RMP64: variants seen among roughly 807,000 people sequenced by gnomAD.
RMP64 encodes the protein nucleolus and neural progenitor protein.
the RMP64 span, chr3:113,006,109 A>G: frequency 1.3e-6 from 1 of 774,766 alleles, no homozygotes; most frequent in Non-Finnish European, 2.1e-6. Context: ...CTTATCTACA[A>G]GTCCTATGCC....
At chr3:113,014,157 C>A in the RMP64 span, 1 of 621,640 alleles carries the variant, frequency 1.6e-6, no homozygotes, top group South Asian at 2.1e-5. Flanking sequence ...TCACAGAATA[C>A]CTTATTTTTT....
the RMP64 span, chr3:113,014,978 C>T: frequency 6.6e-6 from 1 of 152,050 alleles, no homozygotes; most frequent in Non-Finnish European, 1.5e-5. Context: ...AGGAGCTGAC[C>T]CTAAAGAATT....
At chr3:113,012,142 G>T in the RMP64 span, among the ~76,000 whole-genome samples, 25 of 152,184 alleles carry the variant, frequency 1.6e-4, no homozygotes, top group African/African-American at 6.0e-4. Context: ...TGAAAGAGAT[G>T]TCTCTTTAGT....
chr3:113,013,212 TA>T, the RMP64 span: 1 of 1,578,152 alleles, frequency 6.3e-7, no homozygotes, highest in Non-Finnish European at 8.7e-7. Flanking sequence ...AAAATACTGT[TA>T]AAAATATCCA....
At chr3:113,008,298 G>C in the RMP64 span, 9 of 1,614,160 alleles carry the variant, frequency 5.6e-6, no homozygotes, top group Non-Finnish European at 7.6e-6. Flanking sequence ...TCTTCAGAAA[G>C]TTGTGTGAAG....
chr3:113,005,746 A>T, the RMP64 span: 1 of 1,613,994 alleles, frequency 6.2e-7, no homozygotes, highest in Non-Finnish European at 8.5e-7. Context: ...TAGGGTAGAG[A>T]TCAGTTCTAT....
At chr3:113,015,309 T>C in the RMP64 span, among the ~76,000 whole-genome samples, 2 of 152,182 alleles carry the variant, frequency 1.3e-5, no homozygotes, top group Non-Finnish European at 2.9e-5. Flanking sequence ...AGGGACAAAA[T>C]ACATTGCCCT....
chr3:113,010,913 TCA>T, the RMP64 span: 1 of 897,188 alleles, frequency 1.1e-6, no homozygotes, highest in Admixed American at 2.9e-5. Flanking sequence ...ACCTCTCTAA[TCA>T]ATATGAGTCA....
At chr3:113,007,667 TATAGATAGA>T in the RMP64 span, among the ~76,000 whole-genome samples, 7 of 147,656 alleles carry the variant, frequency 4.7e-5, no homozygotes, top group Non-Finnish European at 8.8e-5. Flanking sequence ...AGAAAAGAAA[TATAGATAGA>T]GTCCAGCTGC....
the RMP64 span, chr3:113,005,604 TTTTA>T: frequency 2.5e-6 from 4 of 1,613,916 alleles, no homozygotes; most frequent in East Asian, 2.2e-5. Context: ...GATGTACTGT[TTTTA>T]TTTATTTGCA....
the RMP64 span, among the ~76,000 whole-genome samples, chr3:113,007,719 C>T: frequency 1.3e-5 from 2 of 152,206 alleles, no homozygotes; most frequent in Non-Finnish European, 2.9e-5. Context: ...CAGTACAACA[C>T]CCCAGCAGTC....
the RMP64 span, chr3:113,010,645 G>A: frequency 3.1e-6 from 5 of 1,611,096 alleles, no homozygotes; most frequent in African/African-American, 2.7e-5. Context: ...AGACAAACCT[G>A]AGTAGCTTTG....
the RMP64 span, chr3:113,011,511 C>T: frequency 9.9e-7 from 1 of 1,007,918 alleles, no homozygotes; most frequent in African/African-American, 1.6e-5. Context: ...TATCAAGGTC[C>T]TCCAGTACAG....
the RMP64 span, among the ~76,000 whole-genome samples, chr3:113,010,880 T>A: frequency 3.9e-5 from 6 of 152,340 alleles, no homozygotes; most frequent in South Asian, 6.2e-4. Context: ...GTACTCAAGC[T>A]TAGAAAGCAC....
the RMP64 span, chr3:113,013,429 T>A: frequency 6.5e-7 from 1 of 1,533,898 alleles, no homozygotes; most frequent in Non-Finnish European, 8.8e-7. Flanking sequence ...AAAAGTACAT[T>A]ACTTTCACTT....
At chr3:113,016,634 G>A in the RMP64 span, among the ~76,000 whole-genome samples, 1 of 152,140 alleles carries the variant, frequency 6.6e-6, no homozygotes, top group Non-Finnish European at 1.5e-5. Flanking sequence ...TTTCTTTGAT[G>A]AAATCTTCAC....
the RMP64 span, among the ~76,000 whole-genome samples, chr3:113,015,908 C>T: frequency 7.3e-6 from 1 of 137,274 alleles, no homozygotes; most frequent in Non-Finnish European, 1.6e-5. Context: ...AAAAATACAA[C>T]TTAAAATGAG....
chr3:113,012,561 C>T, the RMP64 span: 1 of 480,604 alleles, frequency 2.1e-6, no homozygotes, highest in Non-Finnish European at 3.7e-6. Context: ...TTTGATACAG[C>T]CATCAGCACT....
At chr3:113,013,388 T>G in the RMP64 span, 7 of 1,602,990 alleles carry the variant, frequency 4.4e-6, no homozygotes, top group Non-Finnish European at 5.1e-6. Flanking sequence ...CTTTGGTAGT[T>G]AAGGGCTGAT....
Sources: gnomAD v4.1 joint callset for allele counts (sites outside exome capture counted in the v4.1 genomes callset) on GRCh38, gnomAD v4.1.1 for gene constraint, MANE v1.5 for transcripts, NCBI Gene and HGNC (gene_info 2026-07-23, HGNC 2026-07-21) for gene names.